The following CDC42SE2 variants were observed in gnomAD, a reference collection of about 807,000 sequenced individuals.
CDC42SE2 encodes CDC42 small effector protein 2.
CDC42SE2 carries 3 observed loss-of-function variants against 11.5 expected under a neutral mutation model. The observed-to-expected ratio is 0.26, with a 90% CI of 0.12 to 0.67. The LOEUF (loss-of-function observed/expected upper bound fraction) is 0.67. CDC42SE2 is among the 30% of genes least tolerant of loss of function. The pLI, the probability that CDC42SE2 is intolerant of heterozygous loss-of-function variation, is 0.80. For missense variants in CDC42SE2, 82 were observed against 106.8 expected, an observed-to-expected ratio of 0.77 and a Z score of 1.02; for synonymous variants, 33 against 34.8, an observed-to-expected ratio of 0.95 and a Z score of 0.18.
upstream of CDC42SE2, chr5:131,263,617 C>T (rs1247236912): frequency 2.6e-5 from 4 of 152,336 alleles, no homozygotes; most frequent in African/African-American, 9.6e-5. Flanking sequence ...CATCCCACAA[C>T]CGCTCAGCAC....
At chr5:131,237,495 A>G in the CDC42SE2 span, among the ~76,000 whole-genome samples, 1 of 152,190 alleles carries the variant, frequency 6.6e-6, no homozygotes. Context: ...AGGTTTCCTT[A>G]AGAGTTTCTT....
intron 2 of CDC42SE2, among the ~76,000 whole-genome samples, chr5:131,318,100 C>T (rs1198573747): frequency 6.6e-6 from 1 of 151,924 alleles, no homozygotes; most frequent in Non-Finnish European, 1.5e-5. Context: ...ACCACCATGC[C>T]CAGCCAATTT....
At chr5:131,267,635 G>A (rs1393609290) in intron 1 of CDC42SE2, among the ~76,000 whole-genome samples, 1 of 152,106 alleles carries the variant, frequency 6.6e-6, no homozygotes, top group Non-Finnish European at 1.5e-5. Flanking sequence ...TACTAACATG[G>A]CATATTGCAG....
Position 131,391,033 on chromosome 5 carries a change from A to G in CDC42SE2, c.197A>G (p.Tyr66Cys), listed in dbSNP as rs771972972. The change falls in exon 5 of 5, where the codon TAT (tyrosine) becomes TGT (cysteine). Residue 66 changes from tyrosine to cysteine, a missense_variant. By Grantham distance (194) the Tyr-to-Cys change is radical. Transcript: ENST00000505065. ...IQNQMQSKGG[Y>C]GGGMPANVQM... ...AACCAAATGCAGTCCAAGGGAGGTT[A>G]TGGAGGTGGAATGCCTGCCAATGTC... 1.2e-6 allele frequency: 2 copies of G among 1,613,294 alleles called. No individual in the cohort carries two copies. The highest frequency in any genetic ancestry group is 1.7e-6 in the Non-Finnish European group (2 of 1,179,438).
intron 2 of CDC42SE2, among the ~76,000 whole-genome samples, chr5:131,356,724 A>G (rs1484821562): frequency 6.6e-6 from 1 of 151,936 alleles, no homozygotes; most frequent in Non-Finnish European, 1.5e-5. Context: ...GCCTGGGCAA[A>G]ACAGTGAGAC....
chr5:131,310,588 C>T (rs1483804386), intron 1 of CDC42SE2, among the ~76,000 whole-genome samples: 2 of 151,422 alleles, frequency 1.3e-5, no homozygotes, highest in Admixed American at 6.6e-5. Context: ...GTCTAAGTCT[C>T]TTTGTAGGTC....
chr5:131,369,183 C>T (rs1029513253), intron 3 of CDC42SE2, among the ~76,000 whole-genome samples: 1 of 152,120 alleles, frequency 6.6e-6, no homozygotes, highest in African/African-American at 2.4e-5. Flanking sequence ...GGAGTCATTA[C>T]TGGTTGTAAT....
At chr5:131,335,988 C>T (rs552239427) in intron 2 of CDC42SE2, among the ~76,000 whole-genome samples, 2 of 151,084 alleles carry the variant, frequency 1.3e-5, no homozygotes, top group East Asian at 1.9e-4. Context: ...AGTATTGTTA[C>T]GTGTGAGTTT....
At chr5:131,275,078 A>G (rs1276590623) in intron 1 of CDC42SE2, among the ~76,000 whole-genome samples, 1 of 152,216 alleles carries the variant, frequency 6.6e-6, no homozygotes, top group South Asian at 2.1e-4. Context: ...GTAAAGTGAA[A>G]ATACACAGTA....
chr5:131,362,739 CG>C (rs909751185), intron 3 of CDC42SE2, among the ~76,000 whole-genome samples: 1 of 152,112 alleles, frequency 6.6e-6, no homozygotes, highest in Non-Finnish European at 1.5e-5. Context: ...TGTTTTGAGC[CG>C]TGGTATTCCA....
chr5:131,228,302 G>A, the CDC42SE2 span, among the ~76,000 whole-genome samples: 5 of 152,178 alleles, frequency 3.3e-5, no homozygotes, highest in African/African-American at 7.2e-5. Flanking sequence ...AGGAAGTTGA[G>A]GCTACAGTGA....
chr5:131,357,960 T>C (rs1749600143), intron 2 of CDC42SE2, among the ~76,000 whole-genome samples: 1 of 152,222 alleles, frequency 6.6e-6, no homozygotes, highest in African/African-American at 2.4e-5. Flanking sequence ...ACTTTCTCCT[T>C]GAAACAGGCT....
At chr5:131,374,548 AAAGTT>A (rs1048506002) in intron 3 of CDC42SE2, among the ~76,000 whole-genome samples, 1 of 151,780 alleles carries the variant, frequency 6.6e-6, no homozygotes, top group Non-Finnish European at 1.5e-5. Context: ...AAAAAAAAAA[AAAGTT>A]AAGCAGACAT....
chr5:131,224,299 A>G, the CDC42SE2 span, among the ~76,000 whole-genome samples: 2 of 152,170 alleles, frequency 1.3e-5, no homozygotes, highest in Admixed American at 1.3e-4. Flanking sequence ...TCGAATATCT[A>G]CTGGGTATCT....
At chr5:131,306,040 T>A (rs1270221456) in intron 1 of CDC42SE2, among the ~76,000 whole-genome samples, 3 of 152,210 alleles carry the variant, frequency 2.0e-5, no homozygotes, top group African/African-American at 7.2e-5. Flanking sequence ...ATTCTGCAGT[T>A]TGAGTTAATC....
At chr5:131,371,698 C>G (rs943035987) in intron 3 of CDC42SE2, among the ~76,000 whole-genome samples, 1 of 152,200 alleles carries the variant, frequency 6.6e-6, no homozygotes, top group African/African-American at 2.4e-5. Flanking sequence ...GAATTAGTGG[C>G]AGAGCCTTTT....
intron 2 of CDC42SE2, among the ~76,000 whole-genome samples, chr5:131,337,895 T>C (rs529337893): frequency 5.1e-4 from 77 of 152,348 alleles, no homozygotes; most frequent in African/African-American, 1.6e-3. Flanking sequence ...GGAAAGGGAA[T>C]TCCCTGACCC....
At chr5:131,237,938 A>G in the CDC42SE2 span, among the ~76,000 whole-genome samples, 2 of 151,942 alleles carry the variant, frequency 1.3e-5, no homozygotes, top group Admixed American at 1.3e-4. Flanking sequence ...GTGTTCCTCT[A>G]TTTGGGAATT....
At chr5:131,303,785 G>C (rs1245309349) in intron 1 of CDC42SE2, among the ~76,000 whole-genome samples, 1 of 152,116 alleles carries the variant, frequency 6.6e-6, no homozygotes, top group Admixed American at 6.5e-5. Context: ...TGCAAAACTA[G>C]CATAATTTTT....
Sources: gnomAD v4.1 joint callset for allele counts (sites outside exome capture counted in the v4.1 genomes callset) on GRCh38, gnomAD v4.1.1 for gene constraint, MANE v1.5 for transcripts, NCBI Gene and HGNC (gene_info 2026-07-23, HGNC 2026-07-21) for gene names.